Variants in DHX9 observed in about 807,000 individuals in gnomAD.
DHX9 encodes the protein DExH-box helicase 9.
A neutral mutation model predicts 148.7 loss-of-function variants in DHX9; 27 were observed. The observed-to-expected ratio is 0.18, with a 90% CI of 0.13 to 0.25. The LOEUF (loss-of-function observed/expected upper bound fraction) is 0.25. Ranked by LOEUF, DHX9 falls within the 10% of genes least tolerant of loss-of-function variation. The pLI, the probability that DHX9 is intolerant of heterozygous loss-of-function variation, is 1.00. For missense variants in DHX9, 796 were observed against 1,559.6 expected (o/e 0.51, Z 8.25); for synonymous variants, 529 against 516.6 (o/e 1.02, Z -0.33).
At chr1:182,863,004 G>A (rs1406794658) in intron 12 of DHX9, among the ~76,000 whole-genome samples, 1 of 152,164 alleles carries the variant, frequency 6.6e-6, no homozygotes, top group Non-Finnish European at 1.5e-5. Flanking sequence ...GGCAAGAGTA[G>A]TAAAATTCTA....
At position 182,887,381 on chromosome 1, in the gene DHX9, G is replaced by A; in HGVS notation, c.3760G>A (p.Gly1254Arg). The A allele has an allele frequency of 6.2e-7, 1 of 1,614,052 alleles. No individual in the cohort carries two copies. The highest frequency in any genetic ancestry group is 8.5e-7 in the Non-Finnish European group (1 of 1,179,984). Residue 1254 changes from glycine (G) to arginine (R), a missense_variant, in exon 28 of 28, where the codon GGG becomes AGG. Around this residue, in one of 14 missense-constraint regions of DHX9, gnomAD observed 98 missense variants for 105.5 expected, o/e 0.93. Transcript: ENST00000367549. ...GGGATTCCAGCGAGGAGGTGGTAGG[G>A]GGGCCTATGGAACTGGCTACTTTGG... Reference protein sequence around the residue: ...SGGFQRGGGRGAYGTGYFGQG... With the variant: ...SGGFQRGGGRRAYGTGYFGQG...
intron 14 of DHX9, 78 bp downstream of exon 14, chr1:182,867,121 C>G: frequency 8.0e-6 from 7 of 876,532 alleles, no homozygotes; most frequent in Non-Finnish European, 9.9e-6. Context: ...CTTTGTTTTC[C>G]CTTTCCCCCG....
rs768970996 is a variant in DHX9 at position 182,876,874 on chromosome 1, C to T, written c.2169C>T (p.Asn723=). 6.8e-6 allele frequency: 11 copies of T among 1,612,100 alleles called. No individual in the cohort carries two copies. Among genetic ancestry groups the T allele is most frequent in the Admixed American group, 1.7e-5 (1 of 59,898 alleles). ...TNIAETSITI[N]DVVYVIDSCK... is the part of the protein sequence containing the mutation. ...TTGCTGAAACAAGCATTACCATAAA[C>T]GATGTTGTTTATGTCATTGACTCCT... is the stretch of plus-strand genomic sequence containing the variant. Residue 723 remains asparagine (N), a synonymous_variant, in exon 19 of 28, where the codon AAC becomes AAT. Coordinates refer to ENST00000367549, the MANE Select transcript of DHX9 (RefSeq NM_001357.5).
chr1:182,864,179 C>T (rs1648177105), intron 12 of DHX9, among the ~76,000 whole-genome samples: 1 of 152,158 alleles, frequency 6.6e-6, no homozygotes, highest in Non-Finnish European at 1.5e-5. Context: ...CCTCAAACTC[C>T]TGGGCTGAGC....
chr1:182,877,172 T>C (rs1648842568), intron 19 of DHX9: 6 of 374,768 alleles, frequency 1.6e-5, no homozygotes, highest in African/African-American at 4.2e-5. Flanking sequence ...GTCTCACTTA[T>C]TTCCCATTGG....
At chr1:182,854,290 T>A in intron 6 of DHX9, 112 bp downstream of exon 6, 6 of 999,636 alleles carry the variant, frequency 6.0e-6, no homozygotes, top group Non-Finnish European at 8.5e-6. Context: ...TGGATTAGAA[T>A]TGAATTGTTA....
Position 182,880,110 on chromosome 1 carries a change from A to G in DHX9, c.2513-387A>G, listed in dbSNP as rs897460393. Among the ~76,000 whole-genome samples, 12 of 152,282 alleles carry G rather than the reference A, an allele frequency of 7.9e-5. No individual in the cohort carries two copies. The East Asian group carries it at 1.9e-3, about 24-fold the overall frequency. ...AGCTAGATCTGAATTTGAATTTTGA[A>G]TCTAGCATTTATCTACTATGTAACT... On this transcript the variant is annotated intron_variant, in intron 21 of 27. Transcript: ENST00000367549.
In DHX9 at chr1:182,875,109, G is replaced by C. The variant is rs140458105; in HGVS notation, c.1815+155G>C. ...TTTGGATTAATTGATGTATTTTACTGCAAAAAAATTCCAGGTTCAGTGACA... is the reference window on the plus strand; with the variant it reads ...TTTGGATTAATTGATGTATTTTACTCCAAAAAAATTCCAGGTTCAGTGACA... On this transcript the variant is annotated intron_variant, in intron 16 of 27. Coordinates refer to ENST00000367549, the MANE Select transcript of DHX9 (RefSeq NM_001357.5). The C allele has an allele frequency of 1.3e-4, 92 of 695,306 alleles. 1 individual carries two copies. In the African/African-American group the frequency reaches 1.4e-3, roughly 10 times the overall value. 43.1% of individuals were successfully genotyped at this position (695,306 alleles called of 1,614,324 possible). A position where few individuals can be genotyped will look rare whatever the true frequency, so the allele number is the denominator to read the frequency against.
chr1:182,853,446 C>G (rs1484302618), intron 5 of DHX9, 28 bp downstream of exon 5: 1 of 1,531,130 alleles, frequency 6.5e-7, no homozygotes, highest in Admixed American at 1.8e-5. Flanking sequence ...GGTTACATCT[C>G]TGAGAATGTG....
intron 3 of DHX9, among the ~76,000 whole-genome samples, chr1:182,850,639 A>G (rs1668125263): frequency 6.6e-6 from 1 of 152,148 alleles, no homozygotes; most frequent in South Asian, 2.1e-4. Context: ...TTGTGAGAAT[A>G]GAAAAAGAAA....
In DHX9 at chr1:182,881,628, T is replaced by G. The variant is rs899827619; in HGVS notation, c.2895T>G (p.Ile965Met). 1 of 1,604,566 alleles carries G rather than the reference T, an allele frequency of 6.2e-7. No individual in the cohort carries two copies. Among genetic ancestry groups the G allele is most frequent in the South Asian group, 1.1e-5 (1 of 88,592 alleles). ...EAKVQLKEIL[I>M]NSGFPEDCLL... Reference sequence around the variant, plus strand: ...AAGTTCAGCTCAAAGAGATTTTGATTAATTCTGGGTTTCCAGAAGGTAAGA... The same window carrying G: ...AAGTTCAGCTCAAAGAGATTTTGATGAATTCTGGGTTTCCAGAAGGTAAGA... Residue 965 changes from isoleucine to methionine, a missense_variant, in exon 24 of 28, where the codon ATT becomes ATG. By Grantham distance (10) the Ile-to-Met change is conservative. Around this residue, in one of 14 missense-constraint regions of DHX9, gnomAD observed 122 missense variants for 289.3 expected, o/e 0.42. Coordinates refer to ENST00000367549, the MANE Select transcript of DHX9 (RefSeq NM_001357.5).
chr1:182,858,686 A>G (rs754252997), intron 9 of DHX9, 46 bp downstream of exon 9: 1 of 1,612,438 alleles, frequency 6.2e-7, no homozygotes, highest in East Asian at 2.2e-5. Flanking sequence ...AACTCTCCGT[A>G]GACAAGCAAA....
rs144694407 is a variant in DHX9, at chr1:182,863,922, C to G, written c.1333-2522C>G. ...GCTTGGTGGCTCACGCCTGTAATTA[C>G]AGCACTTTGAGAGTTCAAGACAGGT... On this transcript the variant is annotated intron_variant, in intron 12 of 27. Transcript: ENST00000367549. Among the ~76,000 whole-genome samples, 409 of 152,168 alleles carry G rather than the reference C, an allele frequency of 2.7e-3. 2 individuals are homozygous for G. Among genetic ancestry groups the G allele is most frequent in the African/African-American group, 9.2e-3 (380 of 41,510 alleles).
intron 12 of DHX9, among the ~76,000 whole-genome samples, chr1:182,863,898 C>T (rs1268358162): frequency 2.0e-5 from 3 of 152,076 alleles, no homozygotes; most frequent in Admixed American, 6.6e-5. Flanking sequence ...CCAGGCCAGG[C>T]TTGGTGGCTC....
At chr1:182,844,336 C>T (rs918297929) in intron 3 of DHX9, among the ~76,000 whole-genome samples, 3 of 152,072 alleles carry the variant, frequency 2.0e-5, no homozygotes, top group African/African-American at 4.8e-5. Context: ...AATTATATTA[C>T]GTAAGTATGC....
At chr1:182,863,652 C>T (rs1306613858) in intron 12 of DHX9, among the ~76,000 whole-genome samples, 1 of 152,112 alleles carries the variant, frequency 6.6e-6, no homozygotes, top group East Asian at 1.9e-4. Flanking sequence ...ATAAGTAGAG[C>T]ATCTTCATAC....
intron 22 of DHX9, among the ~76,000 whole-genome samples, 155 bp downstream of exon 22, chr1:182,880,763 A>G (rs1384957097): frequency 6.6e-6 from 1 of 152,214 alleles, no homozygotes; most frequent in Admixed American, 6.5e-5. Flanking sequence ...GCAGTGTAAC[A>G]CTAAAAAAAT....
Position 182,860,016 on chromosome 1 carries a change from G to A in DHX9, c.1164G>A (p.Leu388=). 1 of 1,613,054 alleles carries A rather than the reference G, an allele frequency of 6.2e-7. No homozygotes were observed. The highest frequency in any genetic ancestry group is 1.1e-5 in the South Asian group (1 of 90,880). The change falls in exon 12 of 28, where the codon CTG becomes CTA. Residue 388 remains leucine, a synonymous_variant. Transcript: ENST00000367549. ...AGATCTTGCAGGAGAGAGAGTTACT[G>A]CCTGTGAAGAAATTTGAAAGTGAGA... ...LQAILQEREL[L]PVKKFESEIL...
At chr1:182,877,791 A>G in intron 19 of DHX9, 1 of 488,876 alleles carries the variant, frequency 2.0e-6, no homozygotes, top group Non-Finnish European at 3.6e-6. Context: ...AAGTTTGGCC[A>G]AGGCAGTTCA....
Sources: allele counts gnomAD v4.1 joint callset (sites outside exome capture counted in the v4.1 genomes callset), GRCh38; gene constraint gnomAD v4.1.1; regional missense constraint gnomAD v4.1.1; transcripts MANE v1.5; gene names NCBI Gene and HGNC (gene_info 2026-07-23, HGNC 2026-07-21).